ATP11C: variants seen among roughly 807,000 people sequenced by gnomAD.
ATP11C encodes phospholipid-transporting ATPase IG.
Under a neutral mutation model 97.4 loss-of-function variants are expected in ATP11C, and 36 were observed. That is an observed-to-expected ratio of 0.37 (90% CI 0.28 to 0.49). ATP11C has a LOEUF of 0.49. ATP11C is among the 20% of genes least tolerant of loss of function. ATP11C has a pLI of 0.98. For missense variants in ATP11C, 730 were observed against 824.6 expected (o/e 0.89, Z 1.40); for synonymous variants, 275 against 290.9 (o/e 0.95, Z 0.56).
chrX:139,870,314 T>C (rs2084353315), intron 1 of ATP11C, among the ~76,000 whole-genome samples: 1 of 112,496 alleles, frequency 8.9e-6, no homozygotes, highest in Admixed American at 9.4e-5. Flanking sequence ...ATAGCTGTAA[T>C]TATTCAAAAT....
At chrX:139,757,362 A>C (rs889748741) in intron 23 of ATP11C, among the ~76,000 whole-genome samples, 1 of 111,640 alleles carries the variant, frequency 9.0e-6, no homozygotes, top group Non-Finnish European at 1.9e-5. Flanking sequence ...TGTTCAGAAA[A>C]CAATAGAAGG....
At position 139,927,457 on chromosome X, in the gene ATP11C, A is replaced by G. The variant is rs1306787859; in HGVS notation, c.27+4559T>C. On this transcript the variant is annotated intron_variant, in intron 1 of 29. Transcript: ENST00000682941. Reference sequence around the variant, plus strand: ...TTTCTACTAAAAAATACAAAAAATTAGCCAGGCGTGGTGGCAGGCGCCTGT... The same window carrying G: ...TTTCTACTAAAAAATACAAAAAATTGGCCAGGCGTGGTGGCAGGCGCCTGT... 4.5e-5 allele frequency among the ~76,000 whole-genome samples: 5 copies of G among 110,802 alleles called. No individual in the cohort carries two copies. The South Asian group carries it at 1.2e-3, about 26-fold the overall frequency.
intron 1 of ATP11C, among the ~76,000 whole-genome samples, chrX:139,883,274 C>T (rs868755012): frequency 1.8e-5 from 2 of 110,487 alleles, no homozygotes; most frequent in Non-Finnish European, 3.8e-5. Flanking sequence ...GTTAAAGCCA[C>T]TCAAAAGTTT....
At chrX:139,935,235 G>A (rs773023022), upstream of ATP11C, among the ~76,000 whole-genome samples, 1 of 111,680 alleles carries the variant, frequency 9.0e-6, no homozygotes, top group East Asian at 2.8e-4. Context: ...TCATGTTACT[G>A]CAGCCTAATC....
chrX:139,889,837 C>A (rs377719046), intron 1 of ATP11C, among the ~76,000 whole-genome samples: 1 of 111,787 alleles, frequency 8.9e-6, no homozygotes, highest in African/African-American at 3.2e-5. Flanking sequence ...TAATTAAGAA[C>A]CAAAATACTC....
chrX:139,807,558 A>C (rs1046144974), intron 5 of ATP11C, among the ~76,000 whole-genome samples: 1 of 111,664 alleles, frequency 9.0e-6, no homozygotes, highest in Non-Finnish European at 1.9e-5. Context: ...CAAGCAAAAA[A>C]TGAGCCATCA....
intron 1 of ATP11C, among the ~76,000 whole-genome samples, chrX:139,921,484 G>C (rs1227794133): frequency 8.9e-6 from 1 of 111,938 alleles, no homozygotes; most frequent in African/African-American, 3.3e-5. Flanking sequence ...ATGTGGAACT[G>C]TGAGTCCATT....
rs1316920724 is a variant in ATP11C, at chrX:139,862,736, G to C, written c.28-35913C>G. 3.6e-5 allele frequency among the ~76,000 whole-genome samples: 4 copies of C among 111,598 alleles called. No homozygotes were observed. In the Admixed American group the frequency reaches 3.8e-4, roughly 11 times the overall value. Reference sequence around the variant, plus strand: ...GTCTTCCACCTAAGCAGGAAGCAGAGCCAGAGTACAAATCCAAATTGGCCT... The same window carrying C: ...GTCTTCCACCTAAGCAGGAAGCAGACCCAGAGTACAAATCCAAATTGGCCT... On this transcript the variant is annotated intron_variant, in intron 1 of 29. Transcript: ENST00000682941.
intron 28 of ATP11C, chrX:139,732,345 T>A: frequency 1.2e-5 from 3 of 244,957 alleles, no homozygotes; most frequent in Non-Finnish European, 2.4e-5. Context: ...ATAAAATGAG[T>A]CATGAGAAGT....
intron 1 of ATP11C, among the ~76,000 whole-genome samples, chrX:139,891,824 T>C (rs985250252): frequency 9.0e-6 from 1 of 111,671 alleles, no homozygotes; most frequent in Non-Finnish European, 1.9e-5. Context: ...TCTTTTTCAA[T>C]ACAAAGATTT....
chrX:139,913,515 G>T (rs917462943), intron 1 of ATP11C, among the ~76,000 whole-genome samples: 4 of 111,409 alleles, frequency 3.6e-5, no homozygotes, highest in African/African-American at 1.3e-4. Context: ...ATGGCCTGAA[G>T]TAACTGAAGA....
At chrX:139,929,238 T>C (rs2085397518) in intron 1 of ATP11C, among the ~76,000 whole-genome samples, 1 of 111,893 alleles carries the variant, frequency 8.9e-6, no homozygotes, top group African/African-American at 3.2e-5. Context: ...GGACACCCTC[T>C]ACATGCCTCA....
chrX:139,869,797 A>C (rs914448174), intron 1 of ATP11C, among the ~76,000 whole-genome samples: 1 of 101,448 alleles, frequency 9.9e-6, no homozygotes, highest in Non-Finnish European at 2.0e-5. Flanking sequence ...CTGTCTCAAA[A>C]TAATAATAAT....
intron 1 of ATP11C, among the ~76,000 whole-genome samples, chrX:139,828,659 G>A: frequency 8.9e-6 from 1 of 112,155 alleles, no homozygotes; most frequent in Non-Finnish European, 1.9e-5. Flanking sequence ...CAAGGAAGAA[G>A]TGGCTGCAGA....
In ATP11C at chrX:139,798,346, C is replaced by T. The variant is rs772022885; in HGVS notation, c.784G>A (p.Val262Ile). Residue 262 changes from valine to isoleucine, a missense_variant, in exon 10 of 30, where the codon GTT becomes ATT. Transcript: ENST00000682941. ...KNTEKIYGVAVYTGMETKMAL... is the reference protein window; with the variant it reads ...KNTEKIYGVAIYTGMETKMAL... ...ATTTTGGTTTCCATTCCAGTGTAAA[C>T]AGCAACTCCTAAGAAATTACAGAAT... is the stretch of plus-strand genomic sequence containing the variant. 1.7e-6 allele frequency: 2 copies of T among 1,184,618 alleles called. No individual in the cohort carries two copies. The highest frequency in any genetic ancestry group is 2.3e-6 in the Non-Finnish European group (2 of 876,802).
intron 1 of ATP11C, among the ~76,000 whole-genome samples, chrX:139,833,011 T>C (rs958557118): frequency 3.6e-5 from 4 of 112,028 alleles, no homozygotes; most frequent in Non-Finnish European, 5.6e-5. Context: ...TTTATTACAG[T>C]TTAAGAAGAG....
intron 24 of ATP11C, among the ~76,000 whole-genome samples, chrX:139,748,508 C>A (rs2081740629): frequency 9.0e-6 from 1 of 111,553 alleles, no homozygotes; most frequent in South Asian, 3.8e-4. Flanking sequence ...AAAGCACTGG[C>A]AAGAGGGTTG....
At chrX:139,924,030 A>C (rs1234872757) in intron 1 of ATP11C, 1 of 288,565 alleles carries the variant, frequency 3.5e-6, no homozygotes, top group Non-Finnish European at 7.5e-6. Flanking sequence ...TGTGTTACCC[A>C]AAAGGTATAG....
intron 2 of ATP11C, among the ~76,000 whole-genome samples, chrX:139,823,659 A>G (rs2083459738): frequency 8.9e-6 from 1 of 112,161 alleles, no homozygotes; most frequent in African/African-American, 3.2e-5. Flanking sequence ...AGAAAGAGAA[A>G]AAGGTAAAAA....
Sources: gnomAD v4.1 joint callset for allele counts (sites outside exome capture counted in the v4.1 genomes callset) on GRCh38, gnomAD v4.1.1 for gene constraint, MANE v1.5 for transcripts, NCBI Gene and HGNC (gene_info 2026-07-23, HGNC 2026-07-21) for gene names.